B4GALT6: variants seen among roughly 807,000 people sequenced by gnomAD.
The protein encoded by B4GALT6 is UDP-Gal:beta-GlcNAc beta-1,4-galactosyltransferase 6.
A neutral mutation model predicts 46.3 loss-of-function variants in B4GALT6; 14 were observed. The ratio of observed to expected loss-of-function variants is 0.30; its 90% CI spans 0.20 to 0.47. B4GALT6 has a LOEUF of 0.47. Ranked by LOEUF, B4GALT6 falls within the 20% of genes least tolerant of loss-of-function variation. The probability of loss-of-function intolerance (pLI) is 0.99; values close to 1 mark genes in which losing one functional copy is unlikely to be tolerated. For synonymous variants in B4GALT6, 168 were observed against 162.0 expected (o/e 1.04, Z -0.28); for missense variants, 386 against 480.1 (o/e 0.80, Z 1.83).
the B4GALT6 span, among the ~76,000 whole-genome samples, chr18:31,721,453 A>T: frequency 6.6e-6 from 1 of 152,242 alleles, no homozygotes; most frequent in Non-Finnish European, 1.5e-5. Context: ...TGTAAAAAAT[A>T]AAAACTTACA....
the B4GALT6 span, chr18:31,724,626 C>G: frequency 7.6e-6 from 8 of 1,050,932 alleles, no homozygotes; most frequent in Non-Finnish European, 9.3e-6. Context: ...CAGTTCGCTG[C>G]TGCACACTGG....
chr18:31,638,532 A>C (rs1392668313), intron 5 of B4GALT6, 112 bp downstream of exon 5: 1 of 960,720 alleles, frequency 1.0e-6, no homozygotes, highest in Non-Finnish European at 1.6e-6. Flanking sequence ...GTCTCAAAAA[A>C]ACTAAACTAA....
At chr18:31,694,919 A>G in the B4GALT6 span, among the ~76,000 whole-genome samples, 4 of 152,342 alleles carry the variant, frequency 2.6e-5, no homozygotes, top group Non-Finnish European at 4.4e-5. Flanking sequence ...TTTTAGAAAT[A>G]TGAATTGCAT....
At chr18:31,626,493 ACC>A (rs929599392) in intron 7 of B4GALT6, 109 bp from the exon 8 acceptor site, 32 of 575,926 alleles carry the variant, frequency 5.6e-5, no homozygotes, top group African/African-American at 4.8e-4. Context: ...GGGTTCCCCA[ACC>A]CCTGGGCCAC....
At chr18:31,649,364 AGAATGAAT>A (rs1012905803) in intron 3 of B4GALT6, among the ~76,000 whole-genome samples, 1 of 152,128 alleles carries the variant, frequency 6.6e-6, no homozygotes, top group Non-Finnish European at 1.5e-5. Context: ...GCCTGGACAC[AGAATGAAT>A]GAATGAATGA....
At chr18:31,691,345 ATT>A in the B4GALT6 span, among the ~76,000 whole-genome samples, 2 of 84,462 alleles carry the variant, frequency 2.4e-5, no homozygotes, top group African/African-American at 8.4e-5. Context: ...ATATATATAT[ATT>A]GCTCTGGGTT....
At chr18:31,704,653 A>G in the B4GALT6 span, among the ~76,000 whole-genome samples, 2 of 152,204 alleles carry the variant, frequency 1.3e-5, no homozygotes, top group South Asian at 2.1e-4. Flanking sequence ...AGAAGATACA[A>G]TATGTAGGGT....
upstream of B4GALT6, chr18:31,686,630 T>G (rs1319484268): frequency 6.6e-6 from 1 of 152,210 alleles, no homozygotes; most frequent in Non-Finnish European, 1.5e-5. Context: ...ATTTGAAAGG[T>G]AATGACACTA....
At chr18:31,667,128 C>T (rs1488449849) in intron 1 of B4GALT6, among the ~76,000 whole-genome samples, 1 of 152,146 alleles carries the variant, frequency 6.6e-6, no homozygotes, top group Non-Finnish European at 1.5e-5. Context: ...GTCCAGACTC[C>T]CCAGAGGCAC....
intron 2 of B4GALT6, among the ~76,000 whole-genome samples, chr18:31,664,854 G>A (rs576758475): frequency 6.6e-6 from 1 of 152,276 alleles, no homozygotes; most frequent in East Asian, 1.9e-4. Flanking sequence ...AATAGTTAAT[G>A]AGACTTTTAC....
intron 3 of B4GALT6, among the ~76,000 whole-genome samples, chr18:31,657,047 G>C (rs1468464385): frequency 6.6e-6 from 1 of 152,142 alleles, no homozygotes; most frequent in African/African-American, 2.4e-5. Flanking sequence ...ATGCTTTGCT[G>C]TTAGGGATAT....
chr18:31,685,503 T>C (rs904195559), upstream of B4GALT6, among the ~76,000 whole-genome samples: 7 of 151,092 alleles, frequency 4.6e-5, no homozygotes, highest in African/African-American at 1.7e-4. Flanking sequence ...CGAGGAAACC[T>C]GGAGGTCCCC....
At chr18:31,710,812 C>CA in the B4GALT6 span, among the ~76,000 whole-genome samples, 1 of 31,362 alleles carries the variant, frequency 3.2e-5, no homozygotes, top group Non-Finnish European at 8.1e-5. Context: ...TTCCTGAATA[C>CA]ACCACACACA....
chr18:31,722,473 G>A, the B4GALT6 span, among the ~76,000 whole-genome samples: 5 of 152,172 alleles, frequency 3.3e-5, no homozygotes, highest in Non-Finnish European at 7.3e-5. Flanking sequence ...CATTTATAAG[G>A]AAAGGATGCA....
In B4GALT6 at chr18:31,645,404, A is replaced by G. The variant is rs1189664785; in HGVS notation, c.422T>C (p.Ile141Thr). 1.2e-6 allele frequency: 2 copies of G among 1,613,968 alleles called. No individual in the cohort carries two copies. The highest frequency in any genetic ancestry group is 1.1e-5 in the South Asian group (1 of 91,026). Reference sequence around the variant, plus strand: ...TGGCCTCCAATGACCCCCTGGCTCAATATCTAAATCCTTGGAGAAGAGTTG... The same window carrying G: ...TGGCCTCCAATGACCCCCTGGCTCAGTATCTAAATCCTTGGAGAAGAGTTG... ...IHQLFSKDLD[I>T]EPGGHWRPKD... is the part of the protein sequence containing the mutation. The change falls in exon 4 of 9, where the codon ATT becomes ACT. Residue 141 changes from isoleucine to threonine, a missense_variant. By Grantham distance (89) the Ile-to-Thr change is moderately conservative. Coordinates refer to ENST00000306851, the MANE Select transcript of B4GALT6 (RefSeq NM_004775.5).
intron 4 of B4GALT6, among the ~76,000 whole-genome samples, chr18:31,643,699 G>C (rs1352965303): frequency 6.6e-6 from 1 of 152,132 alleles, no homozygotes; most frequent in African/African-American, 2.4e-5. Flanking sequence ...ATACTCATGT[G>C]ATACACCTGT....
At chr18:31,664,382 T>C (rs1006070788) in intron 2 of B4GALT6, among the ~76,000 whole-genome samples, 3 of 152,328 alleles carry the variant, frequency 2.0e-5, no homozygotes, top group African/African-American at 7.2e-5. Flanking sequence ...CAATGACTGT[T>C]TCCTGAGAAC....
At chr18:31,635,262 C>G (rs1337095443) in intron 5 of B4GALT6, among the ~76,000 whole-genome samples, 1 of 151,148 alleles carries the variant, frequency 6.6e-6, no homozygotes, top group Admixed American at 6.6e-5. Flanking sequence ...AAAAAAAAAC[C>G]AGAGACAGCT....
chr18:31,673,441 A>G (rs1363664325), intron 1 of B4GALT6, among the ~76,000 whole-genome samples: 3 of 152,076 alleles, frequency 2.0e-5, no homozygotes, highest in African/African-American at 4.8e-5. Flanking sequence ...GCCCAGGCGG[A>G]GTGAGGGCAG....
Sources: allele counts gnomAD v4.1 joint callset (sites outside exome capture counted in the v4.1 genomes callset), GRCh38; gene constraint gnomAD v4.1.1; transcripts MANE v1.5; gene names NCBI Gene and HGNC (gene_info 2026-07-23, HGNC 2026-07-21).